The following MDGA2 variants were observed in gnomAD, a reference collection of about 807,000 sequenced individuals.
MDGA2 encodes the protein MAM domain-containing glycosylphosphatidylinositol anchor protein 2.
In MDGA2, 40 loss-of-function variants were observed where a neutral mutation model predicts 117.8. The observed-to-expected ratio is 0.34, with a 90% CI of 0.26 to 0.44. MDGA2 has a LOEUF of 0.44. Ranked by LOEUF, MDGA2 falls within the 20% of genes least tolerant of loss-of-function variation. The pLI, the probability that MDGA2 is intolerant of heterozygous loss-of-function variation, is 1.00. For missense variants in MDGA2, 1,123 were observed against 1,250.6 expected (o/e 0.90, Z 1.54); for synonymous variants, 452 against 439.0 (o/e 1.03, Z -0.37).
intron 1 of MDGA2, among the ~76,000 whole-genome samples, chr14:47,302,265 C>T (rs1224670343): frequency 6.6e-6 from 1 of 152,162 alleles, no homozygotes; most frequent in African/African-American, 2.4e-5. Context: ...CACTCCTTGA[C>T]TTACACATCG....
chr14:47,419,140 T>C (rs1033530660), intron 1 of MDGA2, among the ~76,000 whole-genome samples: 4 of 152,178 alleles, frequency 2.6e-5, no homozygotes, highest in Non-Finnish European at 4.4e-5. Flanking sequence ...GATTTTAAGT[T>C]GATACTTCCA....
At chr14:46,849,904 C>T (rs1011314360) in intron 15 of MDGA2, among the ~76,000 whole-genome samples, 7 of 151,738 alleles carry the variant, frequency 4.6e-5, no homozygotes, top group Non-Finnish European at 1.0e-4. Context: ...GAAGAAGGAA[C>T]TAACAGCAAC....
intron 1 of MDGA2, among the ~76,000 whole-genome samples, chr14:47,666,457 T>A (rs926488776): frequency 6.6e-6 from 1 of 152,168 alleles, no homozygotes; most frequent in Non-Finnish European, 1.5e-5. Context: ...GCACTCTGTA[T>A]CTAGCTCAGG....
At chr14:46,936,325 G>A (rs952107540) in intron 9 of MDGA2, among the ~76,000 whole-genome samples, 1 of 151,956 alleles carries the variant, frequency 6.6e-6, no homozygotes, top group African/African-American at 2.4e-5. Context: ...CTCTTCTGCT[G>A]GGCCTTCTCT....
At chr14:46,974,652 T>G (rs1269490440) in intron 8 of MDGA2, among the ~76,000 whole-genome samples, 3 of 152,146 alleles carry the variant, frequency 2.0e-5, no homozygotes, top group African/African-American at 7.2e-5. Flanking sequence ...ACAAATGGTG[T>G]TGTGAAAACT....
intron 1 of MDGA2, among the ~76,000 whole-genome samples, chr14:47,305,905 T>C (rs1162785705): frequency 6.6e-6 from 1 of 152,156 alleles, no homozygotes; most frequent in Non-Finnish European, 1.5e-5. Flanking sequence ...ACATTTAACC[T>C]AAGTTTGGAG....
intron 6 of MDGA2, among the ~76,000 whole-genome samples, chr14:47,068,728 C>T (rs893831581): frequency 2.0e-5 from 3 of 152,022 alleles, no homozygotes; most frequent in African/African-American, 7.3e-5. Flanking sequence ...AGATGAGTGG[C>T]AGTTTAGAAA....
intron 16 of MDGA2, among the ~76,000 whole-genome samples, chr14:46,844,569 A>T (rs998753751): frequency 6.6e-5 from 10 of 151,928 alleles, no homozygotes; most frequent in Admixed American, 6.6e-4. Context: ...CAACAAGAGC[A>T]AAACTCCGTC....
chr14:46,978,676 T>A (rs909711778), intron 8 of MDGA2, among the ~76,000 whole-genome samples: 2 of 152,102 alleles, frequency 1.3e-5, no homozygotes, highest in African/African-American at 4.8e-5. Context: ...AAGACTGTTA[T>A]CATTGCCTCT....
intron 4 of MDGA2, among the ~76,000 whole-genome samples, chr14:47,134,450 A>T (rs940587728): frequency 1.3e-5 from 2 of 152,146 alleles, no homozygotes; most frequent in Non-Finnish European, 2.9e-5. Flanking sequence ...TATTACAGAT[A>T]ATCAATAGAT....
chr14:47,327,501 T>G (rs572327553), intron 1 of MDGA2, among the ~76,000 whole-genome samples: 25 of 152,302 alleles, frequency 1.6e-4, no homozygotes, highest in African/African-American at 6.0e-4. Context: ...GCAAGGATTT[T>G]GACAGGTGGA....
intron 3 of MDGA2, among the ~76,000 whole-genome samples, chr14:47,208,830 T>C (rs915585030): frequency 1.3e-5 from 2 of 151,998 alleles, no homozygotes; most frequent in African/African-American, 4.8e-5. Context: ...AAAGAGAATC[T>C]TTATGAAATT....
At chr14:46,877,358 T>C (rs45554934) in intron 12 of MDGA2, 131 bp downstream of exon 12, 12 of 490,002 alleles carry the variant, frequency 2.4e-5, no homozygotes, top group Non-Finnish European at 4.3e-5. Flanking sequence ...TAATGCCAAT[T>C]TTACTGATTC....
At chr14:46,869,356 T>C (rs890366862) in intron 14 of MDGA2, among the ~76,000 whole-genome samples, 3 of 150,644 alleles carry the variant, frequency 2.0e-5, no homozygotes, top group Non-Finnish European at 4.4e-5. Flanking sequence ...AGATTCTTTT[T>C]TTTTTTTTTT....
At chr14:47,575,738 G>C (rs1471707589) in intron 1 of MDGA2, among the ~76,000 whole-genome samples, 1 of 152,050 alleles carries the variant, frequency 6.6e-6, no homozygotes, top group African/African-American at 2.4e-5. Flanking sequence ...GCTACTGTAA[G>C]GATTTGAATT....
chr14:46,993,689 G>A (rs1887180756), intron 8 of MDGA2, among the ~76,000 whole-genome samples: 1 of 152,036 alleles, frequency 6.6e-6, no homozygotes, highest in South Asian at 2.1e-4. Flanking sequence ...TTGAACTCCT[G>A]GTCTCAACCG....
At chr14:47,506,502 A>G (rs17118815) in intron 1 of MDGA2, among the ~76,000 whole-genome samples, 2,203 of 152,140 alleles carry the variant, frequency 0.014, 44 homozygotes, top group African/African-American at 0.05. Context: ...CTTTTCCTTT[A>G]TAGGCTGGAA....
At chr14:47,663,249 C>G (rs1897883556) in intron 1 of MDGA2, among the ~76,000 whole-genome samples, 1 of 152,272 alleles carries the variant, frequency 6.6e-6, no homozygotes, top group Admixed American at 6.5e-5. Flanking sequence ...TGTGTCTTTG[C>G]TTAAGGTGAT....
intron 2 of MDGA2, among the ~76,000 whole-genome samples, chr14:47,238,214 T>C (rs1886926745): frequency 6.6e-6 from 1 of 152,214 alleles, no homozygotes; most frequent in Non-Finnish European, 1.5e-5. Context: ...TCACCACATC[T>C]ACTCCAATTT....
Sources: gnomAD v4.1 joint callset for allele counts (sites outside exome capture counted in the v4.1 genomes callset) on GRCh38, gnomAD v4.1.1 for gene constraint, MANE v1.5 for transcripts, NCBI Gene and HGNC (gene_info 2026-07-23, HGNC 2026-07-21) for gene names.